Variants in MFSD6 observed in about 807,000 individuals in gnomAD.
The protein encoded by MFSD6 is major facilitator superfamily domain containing 6, also known as major facilitator superfamily domain-containing protein 6.
Under a neutral mutation model 56.3 loss-of-function variants are expected in MFSD6, and 26 were observed. The observed-to-expected ratio is 0.46, with a 90% CI of 0.34 to 0.64. The LOEUF (loss-of-function observed/expected upper bound fraction) is 0.64. Ranked by LOEUF, MFSD6 falls within the 30% of genes least tolerant of loss-of-function variation. The probability of loss-of-function intolerance (pLI) is 0.01; values close to 1 mark genes in which losing one functional copy is unlikely to be tolerated. For synonymous variants in MFSD6, 331 were observed against 366.9 expected (o/e 0.90, Z 1.12); for missense variants, 750 against 986.2 (o/e 0.76, Z 3.21).
In MFSD6 at chr2:190,436,188, A is replaced by G. The variant is rs1157063984; in HGVS notation, c.159A>G (p.Glu53=). The change falls in exon 3 of 8, where the codon GAA becomes GAG. Residue 53 remains glutamate, a synonymous_variant. Transcript: ENST00000392328. This position sits in a 1 kb window ranked among gnomAD's most constrained non-coding sequence, Gnocchi z 5.3. Reference sequence around the variant, plus strand: ...AAACATCTGCTATTCCTGAGGAGGAAATAGACTGGATAGAGAAACATTGTG... The same window carrying G: ...AAACATCTGCTATTCCTGAGGAGGAGATAGACTGGATAGAGAAACATTGTG... ...STETSAIPEE[E]IDWIEKHCVK... 2 of 1,614,208 alleles carry G rather than the reference A, an allele frequency of 1.2e-6. No homozygotes were observed. Among genetic ancestry groups the G allele is most frequent in the East Asian group, 4.5e-5 (2 of 44,890 alleles).
chr2:190,452,573 A>T (rs1327755011), intron 3 of MFSD6, among the ~76,000 whole-genome samples: 2 of 152,184 alleles, frequency 1.3e-5, no homozygotes, highest in Non-Finnish European at 2.9e-5. Flanking sequence ...CTCAGCTGCT[A>T]CCTTATAGCT....
In MFSD6 at chr2:190,459,805, G is replaced by A. The variant is rs1022127579; in HGVS notation, c.1533-9953G>A. On this transcript the variant is annotated intron_variant, in intron 3 of 7. Transcript: ENST00000392328. The surrounding 1 kb of genome is among the most constrained non-coding windows in gnomAD (Gnocchi z 5.3). ...ATGATTTCCAGCTAGTAGAGACTCA[G>A]ACCCAAATTACTTTTACCTTTTCTC... Among the ~76,000 whole-genome samples, 6 of 152,222 alleles carry A rather than the reference G, an allele frequency of 3.9e-5. No homozygotes were observed. Among genetic ancestry groups the A allele is most frequent in the African/African-American group, 1.2e-4 (5 of 41,462 alleles).
rs1176723357 is a variant in MFSD6, at chr2:190,415,457, A to G, written c.-54+44A>G. 1 of 151,960 alleles carries G rather than the reference A, an allele frequency of 6.6e-6. No individual in the cohort carries two copies. The allele number at this position is 151,960 out of a possible 1,614,324, so 9.4% of individuals were successfully genotyped here. On this transcript the variant is annotated intron_variant, in intron 2 of 7. Coordinates refer to ENST00000392328, the MANE Select transcript of MFSD6 (RefSeq NM_017694.4). This position sits in a 1 kb window ranked among gnomAD's most constrained non-coding sequence, Gnocchi z 4.5. The stretch of plus-strand genomic sequence containing the variant: ...GACTCATTAAAAAAAAATTGTAGAC[A>G]TGGGATCTTGCTTTGTTGCCCATGC...
chr2:190,495,200 C>A lies in MFSD6; in HGVS notation c.1892-2239C>A, dbSNP rs924579716. On this transcript the variant is annotated intron_variant, in intron 6 of 7. Coordinates refer to ENST00000392328, the MANE Select transcript of MFSD6 (RefSeq NM_017694.4). This position sits in a 1 kb window ranked among gnomAD's most constrained non-coding sequence, Gnocchi z 4.7. The stretch of plus-strand genomic sequence containing the variant: ...CACAAATCAGTAGCTCTGCTGTACA[C>A]CAACAGTGACCAAGATGAGAATCAA... Among the ~76,000 whole-genome samples the A allele has an allele frequency of 5.0e-5, 5 of 99,298 alleles. No individual in the cohort carries two copies. The highest frequency in any genetic ancestry group is 1.5e-4 in the African/African-American group (5 of 34,138). 65.1% of individuals were successfully genotyped at this position (99,298 alleles called of 152,430 possible). A position where few individuals can be genotyped will look rare whatever the true frequency, so the allele number is the denominator to read the frequency against.
rs1206743629 is a variant in MFSD6, at chr2:190,463,353, G to A, written c.1533-6405G>A. ...GTCAATAGTGTGAATCAGTGATTAT[G>A]TAGAAATAAGCTTCATTCCTGGGGA... On this transcript the variant is annotated intron_variant, in intron 3 of 7. Transcript: ENST00000392328. This position sits in a 1 kb window ranked among gnomAD's most constrained non-coding sequence, Gnocchi z 4.4. Among the ~76,000 whole-genome samples the A allele has an allele frequency of 6.6e-6, 1 of 152,186 alleles. No individual in the cohort carries two copies. Among genetic ancestry groups the A allele is most frequent in the Non-Finnish European group, 1.5e-5 (1 of 68,026 alleles).
In MFSD6 at chr2:190,469,040, G is replaced by C. The variant is rs896241716; in HGVS notation, c.1533-718G>C. The stretch of plus-strand genomic sequence containing the variant: ...CTTGGGTGCACCACTTCAGGCCTTT[G>C]CTTATTTTCTTTCTACTTATACTTT... On this transcript the variant is annotated intron_variant, in intron 3 of 7. Coordinates refer to ENST00000392328, the MANE Select transcript of MFSD6 (RefSeq NM_017694.4). The surrounding 1 kb of genome is among the most constrained non-coding windows in gnomAD (Gnocchi z 5.3). Among the ~76,000 whole-genome samples the C allele has an allele frequency of 6.6e-6, 1 of 152,060 alleles. No individual in the cohort carries two copies. The highest frequency in any genetic ancestry group is 6.6e-5 in the Admixed American group (1 of 15,250).
intron 2 of MFSD6, among the ~76,000 whole-genome samples, chr2:190,430,199 T>C (rs1168676652): frequency 7.0e-6 from 1 of 142,744 alleles, no homozygotes; most frequent in Non-Finnish European, 1.5e-5. Context: ...GGCTGCATAG[T>C]CCTCATTCTT....
rs534130135 is a variant in MFSD6 at position 190,410,384 on chromosome 2, G to A, written c.-176+1881G>A. 2.6e-5 allele frequency among the ~76,000 whole-genome samples: 4 copies of A among 152,236 alleles called. No homozygotes were observed. The highest frequency in any genetic ancestry group is 9.6e-5 in the African/African-American group (4 of 41,540). On this transcript the variant is annotated intron_variant, in intron 1 of 7. Transcript: ENST00000392328. The surrounding 1 kb of genome is among the most constrained non-coding windows in gnomAD (Gnocchi z 4.4). ...TTGACCTCATGTTTCTGGCTCCAAA[G>A]CCCAGGAAATTTCCACATGGTGTCC...
Position 190,457,592 on chromosome 2 carries a change from C to A in MFSD6, c.1533-12166C>A, listed in dbSNP as rs1687111084. The stretch of plus-strand genomic sequence containing the variant: ...AATTGACCTGAATGGAAGTTAGGAC[C>A]CCAAATCTCAGACACTTCTGCATGT... On this transcript the variant is annotated intron_variant, in intron 3 of 7. Transcript: ENST00000392328. This position sits in a 1 kb window ranked among gnomAD's most constrained non-coding sequence, Gnocchi z 5.1. Among the ~76,000 whole-genome samples, 1 of 152,096 alleles carries A rather than the reference C, an allele frequency of 6.6e-6. No homozygotes were observed. The highest frequency in any genetic ancestry group is 1.5e-5 in the Non-Finnish European group (1 of 68,026).
At chr2:190,464,444 G>A (rs1239958798) in intron 3 of MFSD6, among the ~76,000 whole-genome samples, 1 of 152,124 alleles carries the variant, frequency 6.6e-6, no homozygotes, top group Non-Finnish European at 1.5e-5. Context: ...CACACCCTGT[G>A]TTGTTTCTGG....
intron 4 of MFSD6, among the ~76,000 whole-genome samples, chr2:190,486,665 C>T (rs1689027214): frequency 6.6e-6 from 1 of 152,154 alleles, no homozygotes; most frequent in Non-Finnish European, 1.5e-5. Flanking sequence ...AATTTAGTCC[C>T]TGTTATTCCA....
chr2:190,477,435 T>C, intron 4 of MFSD6: 1 of 880,778 alleles, frequency 1.1e-6, no homozygotes, highest in Middle Eastern at 5.8e-4. Flanking sequence ...CATATAACTT[T>C]TTTATCCTTT....
chr2:190,431,530 C>G lies in MFSD6; in HGVS notation c.-53-4447C>G, dbSNP rs552204120. On this transcript the variant is annotated intron_variant, in intron 2 of 7. Coordinates refer to ENST00000392328, the MANE Select transcript of MFSD6 (RefSeq NM_017694.4). This position sits in a 1 kb window ranked among gnomAD's most constrained non-coding sequence, Gnocchi z 4.4. ...CTAGCCCGGCCAACACAGCGAAACCCCGTCTCCACCAAAAAAATACGAAAA... is the reference window on the plus strand; with the variant it reads ...CTAGCCCGGCCAACACAGCGAAACCGCGTCTCCACCAAAAAAATACGAAAA... 1.3e-5 allele frequency among the ~76,000 whole-genome samples: 2 copies of G among 152,346 alleles called. No homozygotes were observed. The highest frequency in any genetic ancestry group is 4.8e-5 in the African/African-American group (2 of 41,588).
chr2:190,490,299 C>T lies in MFSD6; in HGVS notation c.1891+433C>T, dbSNP rs968526170. ...AAAACAATGGCCGGGTGCAGTGGCT[C>T]ACGCCTGTAATCCCAACACTTTGGG... is the stretch of plus-strand genomic sequence containing the variant. On this transcript the variant is annotated intron_variant, in intron 6 of 7. Coordinates refer to ENST00000392328, the MANE Select transcript of MFSD6 (RefSeq NM_017694.4). This position sits in a 1 kb window ranked among gnomAD's most constrained non-coding sequence, Gnocchi z 4.5. 1.3e-5 allele frequency among the ~76,000 whole-genome samples: 2 copies of T among 150,760 alleles called. No homozygotes were observed. Among genetic ancestry groups the T allele is most frequent in the Admixed American group, 6.6e-5 (1 of 15,136 alleles).
At position 190,494,536 on chromosome 2, in the gene MFSD6, G is replaced by A. The variant is rs1463518074; in HGVS notation, c.1892-2903G>A. Among the ~76,000 whole-genome samples, 2 of 151,904 alleles carry A rather than the reference G, an allele frequency of 1.3e-5. No individual in the cohort carries two copies. Among genetic ancestry groups the A allele is most frequent in the Admixed American group, 1.3e-4 (2 of 15,250 alleles). On this transcript the variant is annotated intron_variant, in intron 6 of 7. Transcript: ENST00000392328. This position sits in a 1 kb window ranked among gnomAD's most constrained non-coding sequence, Gnocchi z 5.7. ...CACCCTAATAACAAAACCAGGAAAG[G>A]ACATAACAAAAAAAGAAAACTACAG...
At chr2:190,466,786 T>A (rs1687628603) in intron 3 of MFSD6, among the ~76,000 whole-genome samples, 1 of 152,178 alleles carries the variant, frequency 6.6e-6, no homozygotes, top group Admixed American at 6.5e-5. Context: ...GACTATCAAT[T>A]GTGAAAGTAG....
Position 190,497,525 on chromosome 2 carries a change from G to A in MFSD6, c.1978G>A (p.Asp660Asn), listed in dbSNP as rs752752700. The A allele has an allele frequency of 1.9e-6, 3 of 1,614,202 alleles. No homozygotes were observed. Among genetic ancestry groups the A allele is most frequent in the Non-Finnish European group, 2.5e-6 (3 of 1,180,032 alleles). ...CGACTTGGTACAGCAACAGACAGAA[G>A]ATGTCATGCCACGCATTGAGCCCAG... ...TIDLVQQQTE[D>N]VMPRIEPRLP... is the part of the protein sequence containing the mutation. The change falls in exon 7 of 8, where the codon GAT becomes AAT. Residue 660 changes from aspartate (D) to asparagine (N), a missense_variant. This residue lies in a region of MFSD6 where 172 missense variants were observed against 203.9 expected (regional missense o/e 0.84). Transcript: ENST00000392328. The surrounding 1 kb of genome is among the most constrained non-coding windows in gnomAD (Gnocchi z 5.2).
rs1220106763 is a variant in MFSD6 at position 190,457,310 on chromosome 2, T to C, written c.1533-12448T>C. ...TGTGAAAAGAGCGAGCTGGATGCTA[T>C]GGCTCCTTTCAGTTCTGACTCTAAT... is the stretch of plus-strand genomic sequence containing the variant. On this transcript the variant is annotated intron_variant, in intron 3 of 7. Coordinates refer to ENST00000392328, the MANE Select transcript of MFSD6 (RefSeq NM_017694.4). This position sits in a 1 kb window ranked among gnomAD's most constrained non-coding sequence, Gnocchi z 5.1. 6.6e-6 allele frequency among the ~76,000 whole-genome samples: 1 copy of C among 152,206 alleles called. No individual in the cohort carries two copies. The highest frequency in any genetic ancestry group is 2.4e-5 in the African/African-American group (1 of 41,444).
rs1686226181 is a variant in MFSD6, at chr2:190,437,687, G to A, written c.1532+126G>A. ...TTGAGGATAGGGTTGGAGTGGAAAT[G>A]GGGATTTCTGTTTCTTTTCCTCCTT... On this transcript the variant is annotated intron_variant, in intron 3 of 7. Transcript: ENST00000392328. This position sits in a 1 kb window ranked among gnomAD's most constrained non-coding sequence, Gnocchi z 5.9. 5.3e-6 allele frequency: 6 copies of A among 1,136,916 alleles called. No individual in the cohort carries two copies. The highest frequency in any genetic ancestry group is 7.3e-6 in the Non-Finnish European group (6 of 823,578). The allele number at this position is 1,136,916 out of a possible 1,614,324, so 70.4% of individuals were successfully genotyped here.
Sources: allele counts gnomAD v4.1 joint callset (sites outside exome capture counted in the v4.1 genomes callset), GRCh38; gene constraint gnomAD v4.1.1; regional missense constraint gnomAD v4.1.1; non-coding constraint Gnocchi (gnomAD v3.1); transcripts MANE v1.5; gene names NCBI Gene and HGNC (gene_info 2026-07-23, HGNC 2026-07-21).